PALLD: variants seen among roughly 807,000 people sequenced by gnomAD.
The protein encoded by PALLD is palladin, cytoskeletal associated protein, also known as palladin.
A neutral mutation model predicts 123.5 loss-of-function variants in PALLD; 61 were observed. That is an observed-to-expected ratio of 0.49 (90% CI 0.40 to 0.61). PALLD has a LOEUF of 0.61. Ranked by LOEUF, PALLD falls within the 20% of genes least tolerant of loss-of-function variation. PALLD has a pLI of 0.00. For missense variants in PALLD, 1,273 were observed against 1,377.0 expected, an observed-to-expected ratio of 0.92 and a Z score of 1.20; for synonymous variants, 465 against 496.4, an observed-to-expected ratio of 0.94 and a Z score of 0.84.
At chr4:168,612,907 G>T (rs1392752541) in intron 2 of PALLD, among the ~76,000 whole-genome samples, 1 of 152,134 alleles carries the variant, frequency 6.6e-6, no homozygotes, top group Non-Finnish European at 1.5e-5. Flanking sequence ...TGAAACCCTG[G>T]AATTCAAAGA....
At chr4:168,815,919 C>T (rs952034205) in intron 10 of PALLD, among the ~76,000 whole-genome samples, 1 of 152,200 alleles carries the variant, frequency 6.6e-6, no homozygotes, top group Non-Finnish European at 1.5e-5. Context: ...GAAAATCGCT[C>T]ACTCTTAATT....
At position 168,844,993 on chromosome 4, in the gene PALLD, G is replaced by C. The variant is rs1400698993; in HGVS notation, c.1965-45929G>C. Among the ~76,000 whole-genome samples, 1 of 152,158 alleles carries C rather than the reference G, an allele frequency of 6.6e-6. No homozygotes were observed. Among genetic ancestry groups the C allele is most frequent in the African/African-American group, 2.4e-5 (1 of 41,434 alleles). ...GCTCTGCCTGGGGGAGTAAGGAGAA[G>C]CTTCAGGAGAGAACCAAGAGCTGAG... On this transcript the variant is annotated intron_variant, in intron 10 of 21. Transcript: ENST00000505667. This position sits in a 1 kb window ranked among gnomAD's most constrained non-coding sequence, Gnocchi z 4.5.
intron 10 of PALLD, among the ~76,000 whole-genome samples, chr4:168,766,923 A>G (rs1489598438): frequency 6.6e-6 from 1 of 152,228 alleles, no homozygotes; most frequent in African/African-American, 2.4e-5. Context: ...CAGCTCATCA[A>G]GTATTTAAAG....
intron 2 of PALLD, among the ~76,000 whole-genome samples, chr4:168,630,890 G>C (rs1429989151): frequency 6.6e-6 from 1 of 152,180 alleles, no homozygotes; most frequent in Non-Finnish European, 1.5e-5. Flanking sequence ...TGTTTCTCCT[G>C]TTGTTTCTTC....
At chr4:168,646,463 A>T (rs1777465261) in intron 2 of PALLD, among the ~76,000 whole-genome samples, 1 of 152,182 alleles carries the variant, frequency 6.6e-6, no homozygotes, top group South Asian at 2.1e-4. Context: ...AATTCTGGAG[A>T]TAACAGTCCA....
rs768950992 is a variant in PALLD, at chr4:168,894,613, T to C, written c.2135T>C (p.Leu712Pro). ...TACGAAGAAAGAATGGCTCGTCGAC[T>C]GCTAGGTGCTGACAGTGCAACTGTC... is the stretch of plus-strand genomic sequence containing the variant. ...LTYEERMARR[L>P]LGADSATVFN... Residue 712 changes from leucine to proline, a missense_variant, in exon 12 of 22, where the codon CTG becomes CCG. By Grantham distance (98) the Leu-to-Pro change is moderately conservative. This residue lies in a region of PALLD where 944 missense variants were observed against 954.5 expected (regional missense o/e 0.99). Transcript: ENST00000505667. 1 of 1,613,654 alleles carries C rather than the reference T, an allele frequency of 6.2e-7. No homozygotes were observed.
chr4:168,548,727 A>G (rs1422795056), intron 2 of PALLD, among the ~76,000 whole-genome samples: 1 of 152,236 alleles, frequency 6.6e-6, no homozygotes, highest in Admixed American at 6.5e-5. Context: ...ATAAGGATAT[A>G]CAAGTCTTAT....
At chr4:168,905,383 C>T (rs961999884) in intron 15 of PALLD, among the ~76,000 whole-genome samples, 2 of 151,380 alleles carry the variant, frequency 1.3e-5, no homozygotes, top group Admixed American at 6.6e-5. Context: ...CTCCTGACCT[C>T]GTGATCCGCC....
intron 2 of PALLD, chr4:168,537,579 T>A (rs543022528): frequency 6.6e-6 from 1 of 152,314 alleles, no homozygotes; most frequent in African/African-American, 2.4e-5. Flanking sequence ...GAGCAGAAAT[T>A]CCTCATATTG....
At chr4:168,778,506 T>C (rs1402586543) in intron 10 of PALLD, among the ~76,000 whole-genome samples, 1 of 152,202 alleles carries the variant, frequency 6.6e-6, no homozygotes, top group Non-Finnish European at 1.5e-5. Context: ...GGCGCGTAAC[T>C]GTGATTTCCT....
chr4:168,686,619 A>G (rs1782081960), intron 6 of PALLD: 1 of 152,298 alleles, frequency 6.6e-6, no homozygotes, highest in African/African-American at 2.4e-5. Context: ...AAAATATGGA[A>G]CGCTTCACGA....
intron 2 of PALLD, among the ~76,000 whole-genome samples, chr4:168,570,507 A>C (rs1027158950): frequency 3.5e-4 from 54 of 152,216 alleles, no homozygotes; most frequent in Non-Finnish European, 1.5e-4. Context: ...TTTAAAACAA[A>C]AACCAAAATG....
rs1397029770 is a variant in PALLD, at chr4:168,502,304, T to C, written c.-83+5110T>C. Among the ~76,000 whole-genome samples the C allele has an allele frequency of 3.3e-5, 5 of 152,228 alleles. No homozygotes were observed. In the East Asian group the frequency reaches 9.6e-4, roughly 29 times the overall value. On this transcript the variant is annotated intron_variant, in intron 1 of 21. Transcript: ENST00000505667. ...TTTGTCTAACAGAATTGCCAGAAAA[T>C]AGAATAAATGCTTTTCTAGTTCCAA...
intron 10 of PALLD, among the ~76,000 whole-genome samples, chr4:168,745,135 C>A (rs982100581): frequency 1.3e-5 from 2 of 152,106 alleles, no homozygotes; most frequent in African/African-American, 4.8e-5. Flanking sequence ...GTAATAATAG[C>A]ACCATAGGAC....
At chr4:168,575,003 G>T (rs1010842771) in intron 2 of PALLD, among the ~76,000 whole-genome samples, 1 of 151,876 alleles carries the variant, frequency 6.6e-6, no homozygotes, top group Non-Finnish European at 1.5e-5. Flanking sequence ...TTTAATATCC[G>T]GGATTAAAAG....
At chr4:168,731,258 G>A (rs1201197002) in intron 10 of PALLD, among the ~76,000 whole-genome samples, 1 of 152,134 alleles carries the variant, frequency 6.6e-6, no homozygotes, top group Non-Finnish European at 1.5e-5. Flanking sequence ...ATGAAGCAAG[G>A]AACAAAAATA....
chr4:168,704,652 G>A (rs554918394), intron 8 of PALLD, among the ~76,000 whole-genome samples: 3 of 125,372 alleles, frequency 2.4e-5, no homozygotes, highest in Non-Finnish European at 3.2e-5. Flanking sequence ...GCGACAGCAC[G>A]AGACTCTGTC....
At chr4:168,683,256 G>A (rs1354269802) in intron 5 of PALLD, among the ~76,000 whole-genome samples, 153 bp downstream of exon 5, 1 of 152,190 alleles carries the variant, frequency 6.6e-6, no homozygotes, top group Non-Finnish European at 1.5e-5. Context: ...TGTAGGTAAT[G>A]TTTCTCCTTT....
chr4:168,688,684 G>C (rs1448800262), intron 6 of PALLD, among the ~76,000 whole-genome samples: 1 of 152,206 alleles, frequency 6.6e-6, no homozygotes, highest in Admixed American at 6.5e-5. Flanking sequence ...AGCTCCAGGA[G>C]GATCCAAATG....
Sources: allele counts gnomAD v4.1 joint callset (sites outside exome capture counted in the v4.1 genomes callset), GRCh38; gene constraint gnomAD v4.1.1; regional missense constraint gnomAD v4.1.1; non-coding constraint Gnocchi (gnomAD v3.1); transcripts MANE v1.5; gene names NCBI Gene and HGNC (gene_info 2026-07-23, HGNC 2026-07-21).